Variants in PDXDC1 observed in about 807,000 individuals in gnomAD.
PDXDC1 encodes pyridoxal dependent decarboxylase domain containing 1.
In PDXDC1, 42 loss-of-function variants were observed where a neutral mutation model predicts 100.1. The ratio of observed to expected loss-of-function variants is 0.42; its 90% CI spans 0.33 to 0.54. The LOEUF (loss-of-function observed/expected upper bound fraction) is 0.54, where lower values mean the gene tolerates loss of function less well. PDXDC1 is among the 20% of genes least tolerant of loss of function. PDXDC1 has a pLI of 0.10. For missense variants in PDXDC1, 636 were observed against 979.2 expected (o/e 0.65, Z 4.68); for synonymous variants, 260 against 371.7 (o/e 0.70, Z 3.46).
intron 4 of PDXDC1, among the ~76,000 whole-genome samples, chr16:15,002,106 AGAGT>A (rs144579118): frequency 0.02 from 3,105 of 151,854 alleles, 16 homozygotes; most frequent in Middle Eastern, 0.058. Flanking sequence ...GAAGGACTGA[AGAGT>A]GAGTGTCGGA....
chr16:15,137,731 T>G, intron 16 of PDXDC1: 1 of 1,277,160 alleles, frequency 7.8e-7, no homozygotes. Flanking sequence ...AGGACAGAGC[T>G]GGCCCCACCC....
rs2043464096 is a variant in PDXDC1, at chr16:15,036,515, A to G, written c.*240A>G. 5.6e-6 allele frequency: 3 copies of G among 537,296 alleles called. No homozygotes were observed. Among genetic ancestry groups the G allele is most frequent in the East Asian group, 6.0e-5 (2 of 33,372 alleles). 33.3% of individuals were successfully genotyped at this position (537,296 alleles called of 1,614,324 possible). ...CTACGACTTTTCCCTAAGTTACCATAAACACATTTTATTCACAAAAAACAC... is the reference window on the plus strand; with the variant it reads ...CTACGACTTTTCCCTAAGTTACCATGAACACATTTTATTCACAAAAAACAC... On this transcript the variant is annotated 3_prime_UTR_variant, in exon 23 of 23. Coordinates refer to ENST00000396410, the MANE Select transcript of PDXDC1 (RefSeq NM_015027.4).
intron 16 of PDXDC1, chr16:15,071,081 G>C (rs767841351): frequency 6.5e-6 from 10 of 1,546,164 alleles, no homozygotes; most frequent in Non-Finnish European, 8.8e-6. Flanking sequence ...TCTTTTTAAA[G>C]CATGATATTA....
intron 16 of PDXDC1, among the ~76,000 whole-genome samples, chr16:15,063,501 G>T (rs1289474183): frequency 6.6e-6 from 1 of 151,982 alleles, no homozygotes; most frequent in African/African-American, 2.4e-5. Context: ...GAGGTCAGGA[G>T]ATCGAGACCA....
the PDXDC1 span, among the ~76,000 whole-genome samples, chr16:15,147,658 C>A: frequency 6.6e-6 from 1 of 152,186 alleles, no homozygotes; most frequent in South Asian, 2.1e-4. Context: ...CCCAAAGTAG[C>A]TGAGACTACA....
At chr16:14,990,266 C>T (rs1340844143) in intron 1 of PDXDC1, 113 of 464,844 alleles carry the variant, frequency 2.4e-4, no homozygotes, top group Admixed American at 1.1e-3. Flanking sequence ...ACCGCGGCGC[C>T]CACCCCGGCC....
intron 13 of PDXDC1, among the ~76,000 whole-genome samples, chr16:15,024,564 C>T (rs1393304181): frequency 1.3e-5 from 2 of 152,256 alleles, no homozygotes; most frequent in Non-Finnish European, 2.9e-5. Flanking sequence ...AGGCGCATGC[C>T]ACCATGTCCA....
rs2046479421 is a variant in PDXDC1, at chr16:15,099,811, TATC to T, written c.1400-39062_1400-39060del. On this transcript the variant is annotated intron_variant, in intron 16 of 16. Coordinates refer to the PDXDC1 transcript ENST00000535621. ...ATTCCAGAACAAAATTTTGCTTTAC[TATC>T]ATCATATACCCAGAAGACCCATTAA... 2.0e-5 allele frequency among the ~76,000 whole-genome samples: 3 copies of T among 152,212 alleles called. No individual in the cohort carries two copies. The South Asian group carries it at 6.2e-4, about 32-fold the overall frequency.
At position 15,032,980 on chromosome 16, in the gene PDXDC1, G is replaced by T; in HGVS notation, c.1690+1G>T. ...GAATCTGACCTAACCTTTAAAATAG[G>T]TAACTGCTTACTTTGTAAGTCAGCT... On this transcript the variant is annotated splice_donor_variant, in intron 18 of 22. Coordinates refer to ENST00000396410, the MANE Select transcript of PDXDC1 (RefSeq NM_015027.4). LOFTEE classifies it high-confidence loss of function. 6.6e-7 allele frequency: 1 copy of T among 1,505,046 alleles called. No individual in the cohort carries two copies. The highest frequency in any genetic ancestry group is 1.1e-5 in the South Asian group (1 of 88,878). 93.2% of individuals were successfully genotyped at this position (1,505,046 alleles called of 1,614,324 possible). A position where few individuals can be genotyped will look rare whatever the true frequency, so the allele number is the denominator to read the frequency against.
intron 16 of PDXDC1, chr16:15,123,363 G>C: frequency 8.9e-7 from 1 of 1,118,132 alleles, no homozygotes; most frequent in Non-Finnish European, 1.3e-6. Flanking sequence ...AGCTCCCAGG[G>C]TTCCTCAAGG....
chr16:15,048,870 C>A (rs1461918127), intron 16 of PDXDC1, among the ~76,000 whole-genome samples: 1 of 148,718 alleles, frequency 6.7e-6, no homozygotes, highest in Non-Finnish European at 1.5e-5. Context: ...GCAATCCACC[C>A]ACCCTGGCCT....
At chr16:15,019,564 GA>G (rs1432668861) in intron 12 of PDXDC1, among the ~76,000 whole-genome samples, 1 of 152,284 alleles carries the variant, frequency 6.6e-6, no homozygotes, top group African/African-American at 2.4e-5. Context: ...TTCTGGACGT[GA>G]GAAGTCTCAG....
chr16:15,001,677 A>C, intron 3 of PDXDC1, 99 bp from the exon 4 acceptor site: 1 of 1,047,284 alleles, frequency 9.5e-7, no homozygotes. Context: ...AAAGAAAAAA[A>C]AAACTTGAAG....
chr16:15,044,644 A>C, intron 16 of PDXDC1: 1 of 561,100 alleles, frequency 1.8e-6, no homozygotes, highest in East Asian at 3.0e-5. Flanking sequence ...CTGAACACAA[A>C]TGTGATGCCG....
intron 16 of PDXDC1, chr16:15,125,252 T>C (rs1344161079): frequency 2.0e-6 from 1 of 508,188 alleles, no homozygotes; most frequent in Non-Finnish European, 3.6e-6. Flanking sequence ...CGCAGATTGC[T>C]ACCCACAATG....
At chr16:15,003,440 T>C (rs1181862510) in intron 4 of PDXDC1, among the ~76,000 whole-genome samples, 6 of 152,156 alleles carry the variant, frequency 3.9e-5, no homozygotes, top group African/African-American at 1.4e-4. Flanking sequence ...ATGGTCTCAA[T>C]CTCCTGACCT....
intron 16 of PDXDC1, among the ~76,000 whole-genome samples, chr16:15,090,007 A>G (rs896123105): frequency 3.5e-4 from 53 of 151,280 alleles, no homozygotes; most frequent in African/African-American, 1.2e-3. Flanking sequence ...TCAGGAGTTC[A>G]AGACCAGCCT....
At chr16:15,047,995 A>G in intron 16 of PDXDC1, 1 of 1,608,830 alleles carries the variant, frequency 6.2e-7, no homozygotes. Context: ...TTCCTAACCT[A>G]CCATCCTTTG....
intron 3 of PDXDC1, among the ~76,000 whole-genome samples, chr16:14,999,548 A>G (rs1276096398): frequency 1.3e-5 from 2 of 152,252 alleles, no homozygotes; most frequent in African/African-American, 2.4e-5. Flanking sequence ...ATCAAATAAA[A>G]TAAAAGTGAT....
Sources: gnomAD v4.1 joint callset for allele counts (sites outside exome capture counted in the v4.1 genomes callset) on GRCh38, gnomAD v4.1.1 for gene constraint, MANE v1.5 for transcripts, NCBI Gene and HGNC (gene_info 2026-07-23, HGNC 2026-07-21) for gene names.